PPFIA1: variants seen among roughly 807,000 people sequenced by gnomAD.
PPFIA1 encodes the protein liprin-alpha-1.
Under a neutral mutation model 149.9 loss-of-function variants are expected in PPFIA1, and 25 were observed. The ratio of observed to expected loss-of-function variants is 0.17; its 90% CI spans 0.12 to 0.23. The LOEUF (loss-of-function observed/expected upper bound fraction) is 0.23. PPFIA1 is among the 10% of genes least tolerant of loss of function. The pLI, the probability that PPFIA1 is intolerant of heterozygous loss-of-function variation, is 1.00. For synonymous variants in PPFIA1, 549 were observed against 552.8 expected (o/e 0.99, Z 0.10); for missense variants, 1,362 against 1,506.5 (o/e 0.90, Z 1.59).
chr11:70,275,391 T>C (rs2050323425), intron 2 of PPFIA1, among the ~76,000 whole-genome samples: 1 of 152,270 alleles, frequency 6.6e-6, no homozygotes, highest in African/African-American at 2.4e-5. Flanking sequence ...GCCTTTTCAC[T>C]CTCTCAGTTG....
rs761959381 is a variant in PPFIA1, at chr11:70,326,788, G to A, written c.900G>A (p.Met300Ile). 1.2e-6 allele frequency: 2 copies of A among 1,613,960 alleles called. No homozygotes were observed. The highest frequency in any genetic ancestry group is 1.3e-5 in the African/African-American group (1 of 75,006). Residue 300 changes from methionine (M) to isoleucine (I), a missense_variant, in exon 7 of 28, where the codon ATG (methionine) becomes ATA (isoleucine). Physicochemically the swap from Met to Ile is conservative, Grantham distance 10 (BLOSUM62 1). Transcript: ENST00000253925. Reference protein sequence around the residue: ...ARKDLIKSEEMNTKLQRDVRE... With the variant: ...ARKDLIKSEEINTKLQRDVRE... ...AAGATCTCATCAAATCTGAAGAAAT[G>A]AACACAAAATTGCAACGAGATGTCC...
At chr11:70,279,993 C>G (rs2136070171) in intron 2 of PPFIA1, among the ~76,000 whole-genome samples, 1 of 150,382 alleles carries the variant, frequency 6.6e-6, no homozygotes, top group Admixed American at 6.7e-5. Flanking sequence ...ACTGCAGCAT[C>G]TGCCTTCTGG....
At chr11:70,335,039 T>C (rs550901973) in intron 10 of PPFIA1, among the ~76,000 whole-genome samples, 4 of 152,394 alleles carry the variant, frequency 2.6e-5, no homozygotes, top group African/African-American at 9.6e-5. Flanking sequence ...TATTTATAAT[T>C]TTTGAATGTA....
intron 2 of PPFIA1, among the ~76,000 whole-genome samples, chr11:70,281,274 G>A (rs1290206766): frequency 2.0e-5 from 3 of 152,316 alleles, no homozygotes; most frequent in East Asian, 1.9e-4. Flanking sequence ...CATGCCCAGA[G>A]TAGGGACAGA....
intron 25 of PPFIA1, among the ~76,000 whole-genome samples, chr11:70,377,227 T>TA (rs1261427527): frequency 2.0e-5 from 3 of 152,190 alleles, no homozygotes; most frequent in Non-Finnish European, 4.4e-5. Context: ...ACAGAGTCTG[T>TA]AAGTTGGGTT....
In PPFIA1 at chr11:70,355,717, A is replaced by G; in HGVS notation, c.2394A>G (p.Pro798=). 1 of 1,614,168 alleles carries G rather than the reference A, an allele frequency of 6.2e-7. No individual in the cohort carries two copies. The highest frequency in any genetic ancestry group is 8.5e-7 in the Non-Finnish European group (1 of 1,180,006). Residue 798 remains proline (P), a synonymous_variant, in exon 18 of 28, where the codon CCA becomes CCG. Coordinates refer to ENST00000253925, the MANE Select transcript of PPFIA1 (RefSeq NM_003626.5). ...GCCAGGACTCGCTCCACAAAGCCCC[A>G]AAGAAGAAAGGCATTAAGTCCTCCA... ...NSSQDSLHKA[P]KKKGIKSSIG...
chr11:70,277,133 C>T (rs1269190643), intron 2 of PPFIA1, among the ~76,000 whole-genome samples: 1 of 138,952 alleles, frequency 7.2e-6, no homozygotes, highest in African/African-American at 2.8e-5. Flanking sequence ...CTGGATTTAA[C>T]TCCCTCCTAC....
At chr11:70,373,846 G>C (rs1383558297) in intron 23 of PPFIA1, 1 of 152,184 alleles carries the variant, frequency 6.6e-6, no homozygotes, top group East Asian at 1.9e-4. Flanking sequence ...CAGGAGAAAA[G>C]TCGTAAGTCG....
Position 70,326,624 on chromosome 11 carries a change from G to A in PPFIA1, c.736G>A (p.Glu246Lys), listed in dbSNP as rs748873005. 26 of 1,613,814 alleles carry A rather than the reference G, an allele frequency of 1.6e-5. No homozygotes were observed. Among genetic ancestry groups the A allele is most frequent in the African/African-American group, 1.1e-4 (8 of 74,830 alleles). ...ATCTTCTGATGGTTCTTTAAGCCAC[G>A]AGGAAGACCTTGCTAAAGTAATTGA... ...KRSSDGSLSH[E>K]EDLAKVIELQ... The change falls in exon 7 of 28, where the codon GAG becomes AAG. Residue 246 changes from glutamate to lysine, a missense_variant. Glu to Lys is a moderately conservative substitution (Grantham distance 56). Transcript: ENST00000253925.
chr11:70,329,161 C>G (rs989969855), intron 7 of PPFIA1, among the ~76,000 whole-genome samples: 21 of 152,194 alleles, frequency 1.4e-4, no homozygotes, highest in African/African-American at 5.1e-4. Flanking sequence ...AGGCCGCACC[C>G]TGTCCTGTGT....
At chr11:70,322,201 G>A (rs1157589222) in intron 2 of PPFIA1, among the ~76,000 whole-genome samples, 1 of 152,174 alleles carries the variant, frequency 6.6e-6, no homozygotes, top group Non-Finnish European at 1.5e-5. Flanking sequence ...TTTAACTGAA[G>A]CTAGTTTGAG....
intron 17 of PPFIA1, among the ~76,000 whole-genome samples, 197 bp from the exon 18 acceptor site, chr11:70,355,442 T>G (rs1342031904): frequency 6.6e-6 from 1 of 152,110 alleles, no homozygotes; most frequent in African/African-American, 2.4e-5. Flanking sequence ...GAGCTCCATG[T>G]CAGAGAGAGT....
intron 15 of PPFIA1, among the ~76,000 whole-genome samples, chr11:70,347,875 C>T (rs777265980): frequency 1.8e-4 from 27 of 151,238 alleles, no homozygotes; most frequent in Non-Finnish European, 3.5e-4. Context: ...TGGTGGCACG[C>T]GCCTGTAATC....
At chr11:70,354,535 G>A in intron 17 of PPFIA1, 83 bp downstream of exon 17, 1 of 1,400,448 alleles carries the variant, frequency 7.1e-7, no homozygotes, top group Non-Finnish European at 9.5e-7. Flanking sequence ...CTTTCCTTGA[G>A]TAAAACAGTG....
intron 19 of PPFIA1, 114 bp from the exon 20 acceptor site, chr11:70,361,981 G>T (rs972435758): frequency 8.5e-6 from 8 of 941,000 alleles, no homozygotes; most frequent in East Asian, 2.5e-5. Flanking sequence ...GGCTGGTCTT[G>T]AACTCCTGGG....
At chr11:70,365,435 G>A (rs1390020443) in intron 21 of PPFIA1, 6 of 456,458 alleles carry the variant, frequency 1.3e-5, no homozygotes, top group East Asian at 6.9e-5. Flanking sequence ...CGCCGCAAAC[G>A]GTTAGTCACG....
intron 2 of PPFIA1, among the ~76,000 whole-genome samples, chr11:70,300,031 G>A (rs1416621177): frequency 7.4e-6 from 1 of 135,084 alleles, no homozygotes; most frequent in Non-Finnish European, 1.6e-5. Flanking sequence ...CTCCATCAGT[G>A]CCAGCCATGC....
intron 14 of PPFIA1, chr11:70,341,972 A>G (rs1372251085): frequency 6.6e-6 from 1 of 152,596 alleles, no homozygotes; most frequent in African/African-American, 2.4e-5. Flanking sequence ...GTAAGCGCTG[A>G]AAGCTGGCCT....
rs1046508969 is a variant in PPFIA1, at chr11:70,286,209, C to T, written c.264+13773C>T. Among the ~76,000 whole-genome samples, 6 of 152,286 alleles carry T rather than the reference C, an allele frequency of 3.9e-5. No homozygotes were observed. In the South Asian group the frequency reaches 8.3e-4, roughly 21 times the overall value. On this transcript the variant is annotated intron_variant, in intron 2 of 27. Coordinates refer to ENST00000253925, the MANE Select transcript of PPFIA1 (RefSeq NM_003626.5). ...AAACCATCTTTCCCCCGCATCCGTA[C>T]CCCATCCTGTGAACGGTAGTTTTCT...
Sources: allele counts gnomAD v4.1 joint callset (sites outside exome capture counted in the v4.1 genomes callset), GRCh38; gene constraint gnomAD v4.1.1; transcripts MANE v1.5; gene names NCBI Gene and HGNC (gene_info 2026-07-23, HGNC 2026-07-21).